Variants in GPR161 observed in about 807,000 individuals in gnomAD.
GPR161 encodes the protein G protein-coupled receptor 161.
GPR161 carries 25 observed loss-of-function variants against 39.2 expected under a neutral mutation model. That is an observed-to-expected ratio of 0.64 (90% CI 0.47 to 0.89). GPR161 has a LOEUF of 0.89. GPR161 is among the 40% of genes least tolerant of loss of function. GPR161 has a pLI of 0.00. For synonymous variants in GPR161, 286 were observed against 276.6 expected, an observed-to-expected ratio of 1.03 and a Z score of -0.34; for missense variants, 547 against 677.8, an observed-to-expected ratio of 0.81 and a Z score of 2.14.
At chr1:168,132,155 C>T (rs1045240129) in intron 1 of GPR161, among the ~76,000 whole-genome samples, 3 of 152,236 alleles carry the variant, frequency 2.0e-5, no homozygotes, top group South Asian at 2.1e-4. Context: ...ACCCCAGCTA[C>T]GTGGGAGGCT....
intron 1 of GPR161, among the ~76,000 whole-genome samples, chr1:168,132,693 G>C (rs1699093409): frequency 6.6e-6 from 1 of 152,026 alleles, no homozygotes; most frequent in Non-Finnish European, 1.5e-5. Context: ...ATTTATTTCT[G>C]AAAGAGAGAA....
In GPR161 at chr1:168,136,868, C is replaced by G; in HGVS notation, c.-174G>C. The G allele has an allele frequency of 2.0e-6, 2 of 982,360 alleles. No homozygotes were observed. Among genetic ancestry groups the G allele is most frequent in the Non-Finnish European group, 2.4e-6 (2 of 828,666 alleles). The allele number at this position is 982,360 out of a possible 1,614,324, so 60.9% of individuals were successfully genotyped here. On this transcript the variant is annotated 5_prime_UTR_variant, in exon 1 of 6. Coordinates refer to ENST00000682931, the MANE Select transcript of GPR161 (RefSeq NM_001375883.1). ...GGTTTCGGGTTTCAGCCCACCGAGC[C>G]CCGCTTCGCTCCTCCCGCGGGCCAG...
chr1:168,112,535 C>T (rs1327551473), intron 1 of GPR161, among the ~76,000 whole-genome samples: 1 of 132,114 alleles, frequency 7.6e-6, no homozygotes, highest in Non-Finnish European at 1.7e-5. Flanking sequence ...TTGGTAAATA[C>T]GTAGATTAAT....
chr1:168,131,938 G>C (rs1699019881), intron 1 of GPR161, among the ~76,000 whole-genome samples: 1 of 152,188 alleles, frequency 6.6e-6, no homozygotes, highest in Non-Finnish European at 1.5e-5. Context: ...AATCAATTTA[G>C]AGTAAACTTG....
In GPR161 at chr1:168,135,352, A is replaced by G. The variant is rs570609151; in HGVS notation, c.-45+1387T>C. On this transcript the variant is annotated intron_variant, in intron 1 of 5. Transcript: ENST00000682931. ...GCTTCACAAGGTTGTTGTGTGAATG[A>G]AAAAGTGTACATGAAAGTGCTTGTA... Among the ~76,000 whole-genome samples the G allele has an allele frequency of 4.6e-5, 7 of 152,350 alleles. No homozygotes were observed. The South Asian group carries it at 1.2e-3, about 27-fold the overall frequency.
At chr1:168,088,667 CAT>C (rs369050905) in intron 4 of GPR161, 79 of 152,370 alleles carry the variant, frequency 5.2e-4, no homozygotes, top group African/African-American at 1.9e-3. Context: ...TGAGTTGAGA[CAT>C]GTAAACATCT....
chr1:168,102,784 C>G (rs944233165), intron 2 of GPR161, among the ~76,000 whole-genome samples: 2 of 151,364 alleles, frequency 1.3e-5, no homozygotes, highest in African/African-American at 4.9e-5. Context: ...TTTAGCCTCA[C>G]TCCATGTTCC....
intron 1 of GPR161, among the ~76,000 whole-genome samples, chr1:168,130,082 T>G (rs1248388547): frequency 6.6e-6 from 1 of 152,216 alleles, no homozygotes; most frequent in Admixed American, 6.5e-5. Flanking sequence ...CTTACCAGTC[T>G]TGCTTACCTG....
chr1:168,084,529 T>G lies in GPR161; in HGVS notation c.*1002A>C. 1 of 343,034 alleles carries G rather than the reference T, an allele frequency of 2.9e-6. No individual in the cohort carries two copies. The highest frequency in any genetic ancestry group is 8.1e-5 in the East Asian group (1 of 12,402). The allele number at this position is 343,034 out of a possible 1,614,324, so 21.2% of individuals were successfully genotyped here. ...TTGCTGGCTGTGGGTCCAGGGCTGC[T>G]TCTATCTTATTTATACCAGGCTTGT... On this transcript the variant is annotated 3_prime_UTR_variant, in exon 6 of 6. Coordinates refer to ENST00000682931, the MANE Select transcript of GPR161 (RefSeq NM_001375883.1).
intron 2 of GPR161, among the ~76,000 whole-genome samples, chr1:168,097,761 A>G (rs113559502): frequency 2.2e-4 from 33 of 152,336 alleles, no homozygotes; most frequent in African/African-American, 7.2e-4. Flanking sequence ...TGAGCCAAGT[A>G]TCAGGGCCTG....
At chr1:168,097,339 C>T in intron 2 of GPR161, 107 bp from the exon 3 acceptor site, 2 of 1,162,432 alleles carry the variant, frequency 1.7e-6, no homozygotes, top group Admixed American at 2.4e-5. Flanking sequence ...TTTCTAAAAG[C>T]AGCACCTTCT....
At position 168,097,126 on chromosome 1, in the gene GPR161, G is replaced by A; in HGVS notation, c.481C>T (p.Pro161Ser). Reference protein sequence around the residue: ...IWLHSLIGCLPPLFGWSSVEF... With the variant: ...IWLHSLIGCLSPLFGWSSVEF... Reference sequence around the variant, plus strand: ...ACGGATGACCAACCAAACAGGGGTGGCAGGCAGCCGATGAGCGAGTGAAGC... The same window carrying A: ...ACGGATGACCAACCAAACAGGGGTGACAGGCAGCCGATGAGCGAGTGAAGC... The change falls in exon 3 of 6, where the codon CCA (proline) becomes TCA (serine). Residue 161 changes from proline to serine, a missense_variant. Pro to Ser is a moderately conservative substitution (Grantham distance 74). Transcript: ENST00000682931. 1.2e-6 allele frequency: 2 copies of A among 1,614,054 alleles called. No individual in the cohort carries two copies. The highest frequency in any genetic ancestry group is 1.7e-6 in the Non-Finnish European group (2 of 1,180,040).
intron 3 of GPR161, among the ~76,000 whole-genome samples, chr1:168,095,252 A>C (rs1695417714): frequency 6.6e-6 from 1 of 152,278 alleles, no homozygotes; most frequent in Non-Finnish European, 1.5e-5. Context: ...AGATTGACTA[A>C]GACAATATGG....
intron 2 of GPR161, among the ~76,000 whole-genome samples, chr1:168,099,292 C>T (rs892104850): frequency 1.3e-5 from 2 of 152,180 alleles, no homozygotes; most frequent in South Asian, 2.1e-4. Flanking sequence ...TAGGGGACTG[C>T]AGGGAGGGGA....
rs1699250553 is a variant in GPR161 at position 168,134,871 on chromosome 1, C to T, written c.-45+1868G>A. On this transcript the variant is annotated intron_variant, in intron 1 of 5. Coordinates refer to ENST00000682931, the MANE Select transcript of GPR161 (RefSeq NM_001375883.1). ...TGCACTCAGGCTTCCTGACTGGTCCCTGCTGGCAGTGGAGTTTACACCACA... is the reference window on the plus strand; with the variant it reads ...TGCACTCAGGCTTCCTGACTGGTCCTTGCTGGCAGTGGAGTTTACACCACA... 3 of 1,529,596 alleles carry T rather than the reference C, an allele frequency of 2.0e-6. No homozygotes were observed. The East Asian group carries it at 7.3e-5, about 37-fold the overall frequency. The allele number at this position is 1,529,596 out of a possible 1,614,324, so 94.8% of individuals were successfully genotyped here.
chr1:168,112,337 A>G (rs551272080), intron 1 of GPR161, among the ~76,000 whole-genome samples: 19 of 152,022 alleles, frequency 1.2e-4, no homozygotes, highest in South Asian at 8.3e-4. Flanking sequence ...AAAATTAGCC[A>G]GGCGTGGTGG....
chr1:168,124,090 C>G (rs995214952), intron 1 of GPR161, among the ~76,000 whole-genome samples: 2 of 152,216 alleles, frequency 1.3e-5, no homozygotes, highest in Non-Finnish European at 2.9e-5. Flanking sequence ...AGGATTGGTG[C>G]CACCACGTCT....
chr1:168,089,292 TA>T (rs1224038971), intron 4 of GPR161: 1 of 152,192 alleles, frequency 6.6e-6, no homozygotes, highest in Non-Finnish European at 1.5e-5. Flanking sequence ...AGACTTTCCT[TA>T]AATCACATGA....
chr1:168,132,133 C>T (rs867069450), intron 1 of GPR161, among the ~76,000 whole-genome samples: 4 of 152,180 alleles, frequency 2.6e-5, no homozygotes, highest in East Asian at 1.9e-4. Flanking sequence ...GGTGTGGTGG[C>T]GCACGCCTGT....
Sources: gnomAD v4.1 joint callset for allele counts (sites outside exome capture counted in the v4.1 genomes callset) on GRCh38, gnomAD v4.1.1 for gene constraint, MANE v1.5 for transcripts, NCBI Gene and HGNC (gene_info 2026-07-23, HGNC 2026-07-21) for gene names.